CCNY: variants seen among roughly 807,000 people sequenced by gnomAD.
CCNY encodes cyclin Y, also known as cyclin-Y.
CCNY carries 19 observed loss-of-function variants against 42.8 expected under a neutral mutation model. The observed-to-expected ratio is 0.44, with a 90% CI of 0.31 to 0.65. CCNY has a LOEUF of 0.65. Among genes scored for constraint, CCNY ranks in the 30% least tolerant of loss-of-function variants. The pLI is 0.07. For synonymous variants in CCNY, 165 were observed against 162.7 expected, an observed-to-expected ratio of 1.01 and a Z score of -0.11; for missense variants, 370 against 437.3, an observed-to-expected ratio of 0.85 and a Z score of 1.37.
Position 35,530,363 on chromosome 10 carries a change from G to A in CCNY, c.579+120G>A, listed in dbSNP as rs529147861. The A allele has an allele frequency of 2.1e-5, 25 of 1,219,348 alleles. No individual in the cohort carries two copies. The highest frequency in any genetic ancestry group is 1.6e-4 in the African/African-American group (11 of 66,946). The allele number at this position is 1,219,348 out of a possible 1,614,324, so 75.5% of individuals were successfully genotyped here. On this transcript the variant is annotated intron_variant, in intron 7 of 9. Transcript: ENST00000374704. This position sits in a 1 kb window ranked among gnomAD's most constrained non-coding sequence, Gnocchi z 4.3. Reference sequence around the variant, plus strand: ...CTCACCAGGTTACCCTGTGGACACCGTGGCATAAGCTTCAGTGTTGTCGTT... The same window carrying A: ...CTCACCAGGTTACCCTGTGGACACCATGGCATAAGCTTCAGTGTTGTCGTT...
At chr10:35,357,969 C>T (rs1564380826) in intron 1 of CCNY, among the ~76,000 whole-genome samples, 1 of 151,758 alleles carries the variant, frequency 6.6e-6, no homozygotes, top group South Asian at 2.1e-4. Flanking sequence ...CTGGTGGGAG[C>T]CTCTTCAAAC....
At chr10:35,373,635 G>A (rs1836986617) in intron 1 of CCNY, among the ~76,000 whole-genome samples, 2 of 152,164 alleles carry the variant, frequency 1.3e-5, no homozygotes, top group Non-Finnish European at 2.9e-5. Flanking sequence ...TGGATGCCTA[G>A]GATGAAGACC....
intron 2 of CCNY, among the ~76,000 whole-genome samples, chr10:35,485,596 G>T (rs1036918458): frequency 6.6e-6 from 1 of 152,004 alleles, no homozygotes; most frequent in Non-Finnish European, 1.5e-5. Context: ...GTGGTGGCGG[G>T]CACCTGTATT....
intron 3 of CCNY, among the ~76,000 whole-genome samples, chr10:35,289,952 G>A (rs906943520): frequency 3.3e-5 from 5 of 151,362 alleles, no homozygotes; most frequent in African/African-American, 4.9e-5. Flanking sequence ...TCAGCTGGGC[G>A]TGGTGGCTTA....
intron 1 of CCNY, among the ~76,000 whole-genome samples, chr10:35,349,679 G>A (rs1413768092): frequency 6.6e-6 from 1 of 152,158 alleles, no homozygotes; most frequent in Non-Finnish European, 1.5e-5. Flanking sequence ...CTCCCTCCCA[G>A]CACTGTTGAC....
At chr10:35,274,164 C>A (rs1835207762) in intron 3 of CCNY, among the ~76,000 whole-genome samples, 1 of 152,078 alleles carries the variant, frequency 6.6e-6, no homozygotes, top group Non-Finnish European at 1.5e-5. Context: ...AAAGGAGGAG[C>A]AAAGGCACGT....
chr10:35,499,863 A>G (rs1483701468), intron 2 of CCNY, among the ~76,000 whole-genome samples: 1 of 152,210 alleles, frequency 6.6e-6, no homozygotes, highest in African/African-American at 2.4e-5. Context: ...AATTATCATC[A>G]TATCCCCATC....
chr10:35,416,531 G>T (rs1838029697), intron 1 of CCNY, among the ~76,000 whole-genome samples: 1 of 152,114 alleles, frequency 6.6e-6, no homozygotes, highest in African/African-American at 2.4e-5. Flanking sequence ...GTTTGGGGAA[G>T]CACCATGACG....
chr10:35,489,814 GAGGAGTCCCTC>G (rs1839862245), intron 2 of CCNY, among the ~76,000 whole-genome samples: 1 of 152,182 alleles, frequency 6.6e-6, no homozygotes, highest in African/African-American at 2.4e-5. Flanking sequence ...TACTCAGTTA[GAGGAGTCCCTC>G]ATTTTTACAG....
chr10:35,357,955 TTGAC>T (rs759368794), intron 1 of CCNY, among the ~76,000 whole-genome samples: 5 of 152,194 alleles, frequency 3.3e-5, no homozygotes, highest in Non-Finnish European at 4.4e-5. Flanking sequence ...TGTCCAAACT[TTGAC>T]TGGTGGGAGC....
At chr10:35,555,926 T>C (rs974553979) in intron 8 of CCNY, among the ~76,000 whole-genome samples, 3 of 152,142 alleles carry the variant, frequency 2.0e-5, no homozygotes, top group African/African-American at 7.2e-5. Flanking sequence ...AAAATACTAA[T>C]AGTTACTGTA....
At chr10:35,543,771 G>A (rs915517548) in intron 7 of CCNY, among the ~76,000 whole-genome samples, 10 of 152,134 alleles carry the variant, frequency 6.6e-5, no homozygotes, top group African/African-American at 1.9e-4. Flanking sequence ...CTGGAAGCAG[G>A]CAGGAGACCA....
At chr10:35,309,175 A>C (rs902350077) in intron 3 of CCNY, among the ~76,000 whole-genome samples, 1 of 152,224 alleles carries the variant, frequency 6.6e-6, no homozygotes, top group African/African-American at 2.4e-5. Context: ...GGCTAAAGTA[A>C]GGAAAAGTGG....
chr10:35,411,251 G>T (rs1173217336), intron 1 of CCNY, among the ~76,000 whole-genome samples: 1 of 151,994 alleles, frequency 6.6e-6, no homozygotes, highest in Non-Finnish European at 1.5e-5. Context: ...GGTGGCTCAC[G>T]CATGTAATCC....
upstream of CCNY, among the ~76,000 whole-genome samples, chr10:35,333,859 G>C (rs1644264598): frequency 6.6e-6 from 1 of 152,118 alleles, no homozygotes. Context: ...GGAGGAGTTT[G>C]AAGTATGCAT....
In CCNY at chr10:35,566,219, G is replaced by C. The variant is rs200305911; in HGVS notation, c.909+34G>C. 280 of 1,596,978 alleles carry C rather than the reference G, an allele frequency of 1.8e-4. 2 individuals carry two copies. In the South Asian group the frequency reaches 1.8e-3, roughly 10 times the overall value. On this transcript the variant is annotated intron_variant, in intron 9 of 9. Coordinates refer to ENST00000374704, the MANE Select transcript of CCNY (RefSeq NM_145012.6). The stretch of plus-strand genomic sequence containing the variant: ...GTTTAAAACAGCGTTTTGTGGTGCA[G>C]TGTTGCCAATACATCATCTGAGTAC...
In CCNY at chr10:35,449,491, C is replaced by T. The variant is rs549119396; in HGVS notation, c.155-33913C>T. On this transcript the variant is annotated intron_variant, in intron 1 of 9. Transcript: ENST00000374704. ...AGAACAGGGAGGAGGAACTGGAGCA[C>T]GCAGGAGCCTGGCTGAACAGGAAGC... Among the ~76,000 whole-genome samples the T allele has an allele frequency of 5.3e-5, 8 of 151,972 alleles. No individual in the cohort carries two copies. In the South Asian group the frequency reaches 1.5e-3, roughly 28 times the overall value.
At chr10:35,354,790 T>A (rs142879173) in intron 1 of CCNY, among the ~76,000 whole-genome samples, 58 of 152,318 alleles carry the variant, frequency 3.8e-4, no homozygotes, top group Non-Finnish European at 7.6e-4. Flanking sequence ...CTAAGTCTCA[T>A]GAGGAACTGG....
intron 8 of CCNY, among the ~76,000 whole-genome samples, chr10:35,563,650 A>C (rs1405124343): frequency 6.6e-6 from 1 of 152,198 alleles, no homozygotes; most frequent in African/African-American, 2.4e-5. Flanking sequence ...CATTTAAATG[A>C]AGCATAAATA....
Sources: gnomAD v4.1 joint callset for allele counts (sites outside exome capture counted in the v4.1 genomes callset) on GRCh38, gnomAD v4.1.1 for gene constraint, Gnocchi (gnomAD v3.1) non-coding constraint, MANE v1.5 for transcripts, NCBI Gene and HGNC (gene_info 2026-07-23, HGNC 2026-07-21) for gene names.